Variants in CPNE4 observed in about 807,000 individuals in gnomAD.
The protein encoded by CPNE4 is copine 4.
In CPNE4, 25 loss-of-function variants were observed where a neutral mutation model predicts 67.9. The observed-to-expected ratio is 0.37, with a 90% CI of 0.27 to 0.51. CPNE4 has a LOEUF of 0.51. Ranked by LOEUF, CPNE4 falls within the 20% of genes least tolerant of loss-of-function variation. The pLI is 0.93. For synonymous variants in CPNE4, 242 were observed against 244.9 expected, an observed-to-expected ratio of 0.99 and a Z score of 0.11; for missense variants, 464 against 690.8, an observed-to-expected ratio of 0.67 and a Z score of 3.68.
chr3:131,582,071 A>G (rs960735752), intron 8 of CPNE4, among the ~76,000 whole-genome samples: 1 of 152,240 alleles, frequency 6.6e-6, no homozygotes, highest in African/African-American at 2.4e-5. Flanking sequence ...ATAAAGCAGT[A>G]CAGGGAAGAA....
At chr3:131,541,989 T>G (rs2107629173) in intron 15 of CPNE4, among the ~76,000 whole-genome samples, 1 of 152,290 alleles carries the variant, frequency 6.6e-6, no homozygotes, top group South Asian at 2.1e-4. Flanking sequence ...TCTTTTGAAC[T>G]AACTTTATCA....
At chr3:131,849,496 T>A (rs1051904964) in intron 2 of CPNE4, among the ~76,000 whole-genome samples, 2 of 151,988 alleles carry the variant, frequency 1.3e-5, no homozygotes, top group African/African-American at 4.8e-5. Context: ...TAATGGGAAC[T>A]CACTCTATAT....
At chr3:131,617,598 T>C (rs1025046426) in intron 7 of CPNE4, among the ~76,000 whole-genome samples, 2 of 152,212 alleles carry the variant, frequency 1.3e-5, no homozygotes, top group Non-Finnish European at 2.9e-5. Flanking sequence ...ATCTTTATCA[T>C]AACCCTCACT....
chr3:131,951,398 T>TG (rs2071715731), intron 1 of CPNE4, among the ~76,000 whole-genome samples: 2 of 152,216 alleles, frequency 1.3e-5, no homozygotes, highest in South Asian at 4.1e-4. Context: ...TGGGTTCTGT[T>TG]GGGGTTTTTT....
At chr3:131,646,847 AG>A (rs2079681169) in intron 7 of CPNE4, among the ~76,000 whole-genome samples, 1 of 152,238 alleles carries the variant, frequency 6.6e-6, no homozygotes, top group African/African-American at 2.4e-5. Context: ...GCATCCAGTG[AG>A]TACAGTTAGG....
chr3:131,995,993 G>T (rs2073280593), intron 1 of CPNE4, among the ~76,000 whole-genome samples: 1 of 152,178 alleles, frequency 6.6e-6, no homozygotes, highest in Non-Finnish European at 1.5e-5. Flanking sequence ...CATGGCTCAT[G>T]CTACTGAATT....
At chr3:131,911,500 A>G (rs760346105) in intron 1 of CPNE4, among the ~76,000 whole-genome samples, 3 of 151,418 alleles carry the variant, frequency 2.0e-5, no homozygotes, top group Non-Finnish European at 4.4e-5. Flanking sequence ...TCTAGCAACC[A>G]ATAATTATTA....
intron 1 of CPNE4, among the ~76,000 whole-genome samples, chr3:132,008,146 G>T (rs2073655585): frequency 6.6e-6 from 1 of 152,004 alleles, no homozygotes. Context: ...TCAGTTTCTT[G>T]GAATATGACT....
intron 7 of CPNE4, among the ~76,000 whole-genome samples, chr3:131,633,083 C>T (rs1451996575): frequency 1.3e-5 from 2 of 152,182 alleles, no homozygotes; most frequent in African/African-American, 4.8e-5. Context: ...GTATCTCTAC[C>T]TTCCAGTTGC....
intron 2 of CPNE4, among the ~76,000 whole-genome samples, chr3:131,864,725 C>CAG (rs1305519680): frequency 6.6e-6 from 1 of 151,864 alleles, no homozygotes; most frequent in Non-Finnish European, 1.5e-5. Flanking sequence ...TTGCCCTGGC[C>CAG]AGAACTTGCA....
At chr3:132,000,612 A>G (rs978888949) in intron 1 of CPNE4, among the ~76,000 whole-genome samples, 2 of 151,844 alleles carry the variant, frequency 1.3e-5, no homozygotes, top group African/African-American at 4.8e-5. Flanking sequence ...ATTTTAGAAA[A>G]GGGAAATTCT....
intron 1 of CPNE4, among the ~76,000 whole-genome samples, chr3:132,007,216 A>T (rs964064250): frequency 1.2e-4 from 19 of 152,198 alleles, no homozygotes; most frequent in Non-Finnish European, 7.3e-5. Flanking sequence ...TTGAAGCCCA[A>T]AATCTGGAAA....
At chr3:131,861,374 A>G (rs115197398) in intron 2 of CPNE4, among the ~76,000 whole-genome samples, 1 of 151,244 alleles carries the variant, frequency 6.6e-6, no homozygotes, top group African/African-American at 2.4e-5. Context: ...TAGTCATCTT[A>G]TGACTCTGAG....
intron 1 of CPNE4, among the ~76,000 whole-genome samples, chr3:131,987,794 G>T (rs905310776): frequency 6.6e-6 from 1 of 152,162 alleles, no homozygotes; most frequent in Non-Finnish European, 1.5e-5. Context: ...TTTCTAACAC[G>T]TTCCCAAGCA....
chr3:131,706,289 G>C (rs1348140803), intron 3 of CPNE4, among the ~76,000 whole-genome samples: 1 of 152,132 alleles, frequency 6.6e-6, no homozygotes, highest in Non-Finnish European at 1.5e-5. Context: ...AAGACCACAG[G>C]CTCAAAAATA....
At chr3:131,753,758 T>G (rs1484858155) in intron 2 of CPNE4, among the ~76,000 whole-genome samples, 1 of 152,178 alleles carries the variant, frequency 6.6e-6, no homozygotes. Flanking sequence ...GTTAAAATTT[T>G]TTTAAAAGAT....
At chr3:131,871,991 C>CT (rs914869165) in intron 2 of CPNE4, among the ~76,000 whole-genome samples, 3 of 152,118 alleles carry the variant, frequency 2.0e-5, no homozygotes, top group African/African-American at 7.2e-5. Flanking sequence ...ACATATCCTT[C>CT]TTATACCATG....
intron 2 of CPNE4, among the ~76,000 whole-genome samples, chr3:131,786,272 A>G (rs1324848555): frequency 4.0e-5 from 6 of 151,758 alleles, no homozygotes; most frequent in African/African-American, 1.5e-4. Context: ...GTTGTCTAGT[A>G]TTTCTTTGTG....
At chr3:131,968,066 C>A (rs2072401245) in intron 1 of CPNE4, among the ~76,000 whole-genome samples, 1 of 152,100 alleles carries the variant, frequency 6.6e-6, no homozygotes, top group South Asian at 2.1e-4. Flanking sequence ...CATCTACAAC[C>A]ATCTGATCTT....
Sources: gnomAD v4.1 joint callset for allele counts (sites outside exome capture counted in the v4.1 genomes callset) on GRCh38, gnomAD v4.1.1 for gene constraint, MANE v1.5 for transcripts, NCBI Gene and HGNC (gene_info 2026-07-23, HGNC 2026-07-21) for gene names.